The following CLIC5 variants were observed in gnomAD, a reference collection of about 807,000 sequenced individuals.
CLIC5 encodes CLIC family member 5, also known as chloride intracellular channel protein 5.
In CLIC5, 20 loss-of-function variants were observed where a neutral mutation model predicts 24.7. That is an observed-to-expected ratio of 0.81 (90% CI 0.57 to 1.18). CLIC5 has a LOEUF of 1.18. Ranked by LOEUF, CLIC5 falls within the 50% of genes most tolerant of loss-of-function variation. The pLI is 0.00. For missense variants in CLIC5, 341 were observed against 326.1 expected (o/e 1.05, Z -0.35); for synonymous variants, 159 against 135.6 (o/e 1.17, Z -1.20).
intron 1 of CLIC5, among the ~76,000 whole-genome samples, chr6:46,021,715 A>T (rs1482379566): frequency 6.6e-6 from 1 of 152,236 alleles, no homozygotes; most frequent in Non-Finnish European, 1.5e-5. Flanking sequence ...TTTCATTTAC[A>T]TGACATTCTG....
chr6:45,969,304 G>A (rs1765117193), intron 1 of CLIC5, among the ~76,000 whole-genome samples: 1 of 152,170 alleles, frequency 6.6e-6, no homozygotes, highest in South Asian at 2.1e-4. Flanking sequence ...AGAACCACCT[G>A]TGACCACCTT....
chr6:46,085,734 C>T, the CLIC5 span, among the ~76,000 whole-genome samples: 4,378 of 152,308 alleles, frequency 0.029, 366 homozygotes, highest in East Asian at 0.26. Flanking sequence ...GCAGTCTGCC[C>T]GTTCTCAGAT....
At chr6:46,000,390 T>A (rs572091400) in intron 1 of CLIC5, among the ~76,000 whole-genome samples, 1 of 152,234 alleles carries the variant, frequency 6.6e-6, no homozygotes, top group African/African-American at 2.4e-5. Flanking sequence ...GGAGTATCCA[T>A]CTGATTTGTG....
At chr6:45,942,594 G>A (rs1449401993) in intron 3 of CLIC5, among the ~76,000 whole-genome samples, 1 of 152,186 alleles carries the variant, frequency 6.6e-6, no homozygotes, top group African/African-American at 2.4e-5. Flanking sequence ...TGGGTGAATC[G>A]TTTTTGACTG....
At chr6:45,984,102 T>G (rs549167155) in intron 1 of CLIC5, among the ~76,000 whole-genome samples, 2 of 152,282 alleles carry the variant, frequency 1.3e-5, no homozygotes, top group African/African-American at 4.8e-5. Flanking sequence ...GGGAAAGCAC[T>G]TAGTGGAACA....
At chr6:46,096,122 C>A in the CLIC5 span, among the ~76,000 whole-genome samples, 5 of 152,210 alleles carry the variant, frequency 3.3e-5, no homozygotes, top group East Asian at 9.6e-4. Flanking sequence ...GGAACAAGAC[C>A]AAGAGAGAGT....
chr6:46,067,070 G>A (rs546824214), intron 1 of CLIC5, among the ~76,000 whole-genome samples: 34 of 152,266 alleles, frequency 2.2e-4, no homozygotes, highest in South Asian at 6.2e-4. Context: ...TGGCAATAGG[G>A]AAGGTTTACA....
chr6:46,085,816 C>G, the CLIC5 span, among the ~76,000 whole-genome samples: 21 of 152,236 alleles, frequency 1.4e-4, no homozygotes. Context: ...TTACTGCAGT[C>G]TTTTTGTTTG....
downstream of CLIC5, among the ~76,000 whole-genome samples, chr6:45,897,069 T>C (rs1440591533): frequency 6.6e-6 from 1 of 152,154 alleles, no homozygotes; most frequent in Non-Finnish European, 1.5e-5. Context: ...ATTTAGCAAC[T>C]CTGTGGTCAC....
intron 1 of CLIC5, among the ~76,000 whole-genome samples, chr6:46,067,171 G>T (rs1025673171): frequency 6.6e-6 from 1 of 152,074 alleles, no homozygotes. Flanking sequence ...GGGTCTCAGG[G>T]ATAACTGTTT....
At chr6:45,966,135 T>C (rs1765008357) in intron 1 of CLIC5, among the ~76,000 whole-genome samples, 1 of 152,214 alleles carries the variant, frequency 6.6e-6, no homozygotes, top group African/African-American at 2.4e-5. Flanking sequence ...TAATCACTCA[T>C]GAATCCCAAA....
chr6:46,087,146 C>T, the CLIC5 span, among the ~76,000 whole-genome samples: 1 of 152,172 alleles, frequency 6.6e-6, no homozygotes, highest in Non-Finnish European at 1.5e-5. Flanking sequence ...CTCATGATTA[C>T]ATTGGTTGGC....
intron 1 of CLIC5, among the ~76,000 whole-genome samples, chr6:45,998,760 G>C (rs371026789): frequency 2.0e-5 from 3 of 152,084 alleles, no homozygotes; most frequent in Admixed American, 1.3e-4. Flanking sequence ...TACAGCAAAG[G>C]CCAAGCCCAC....
Position 45,882,945 on chromosome 6 carries a change from A to G in CLIC5, c.624-1757T>C, listed in dbSNP as rs974993448. 2.6e-5 allele frequency among the ~76,000 whole-genome samples: 4 copies of G among 152,356 alleles called. No individual in the cohort carries two copies. The East Asian group carries it at 7.7e-4, about 29-fold the overall frequency. On this transcript the variant is annotated intron_variant, in intron 6 of 6. Transcript: ENST00000644324. ...TTTTAGAAAGTTATAATTTAGCTCT[A>G]GACATAAGTGCATACATGACCAACC...
At chr6:45,907,886 C>T (rs540070660) in intron 5 of CLIC5, among the ~76,000 whole-genome samples, 7 of 152,176 alleles carry the variant, frequency 4.6e-5, no homozygotes, top group Non-Finnish European at 1.0e-4. Flanking sequence ...TCTTTTCCTA[C>T]TTGTAGGCCT....
At chr6:46,006,193 G>A (rs1300729383) in intron 1 of CLIC5, among the ~76,000 whole-genome samples, 2 of 140,304 alleles carry the variant, frequency 1.4e-5, no homozygotes, top group Non-Finnish European at 3.0e-5. Context: ...CGCCCAGCCT[G>A]GAGTGCAATG....
intron 6 of CLIC5, among the ~76,000 whole-genome samples, chr6:45,885,487 T>A (rs961536372): frequency 3.9e-5 from 6 of 152,170 alleles, no homozygotes; most frequent in Non-Finnish European, 1.5e-5. Flanking sequence ...CAGAAGATCG[T>A]TATTAAAAAT....
intron 4 of CLIC5, among the ~76,000 whole-genome samples, chr6:45,919,656 C>T (rs1237211822): frequency 6.6e-6 from 1 of 152,168 alleles, no homozygotes; most frequent in Non-Finnish European, 1.5e-5. Flanking sequence ...GAGTCGAGGC[C>T]TCCAGGCAGG....
chr6:46,076,837 C>A (rs541668651), intron 1 of CLIC5, among the ~76,000 whole-genome samples: 2 of 152,298 alleles, frequency 1.3e-5, no homozygotes, highest in East Asian at 3.9e-4. Flanking sequence ...CACTACAATG[C>A]AAAGTGCCTG....
Sources: gnomAD v4.1 joint callset for allele counts (sites outside exome capture counted in the v4.1 genomes callset) on GRCh38, gnomAD v4.1.1 for gene constraint, MANE v1.5 for transcripts, NCBI Gene and HGNC (gene_info 2026-07-23, HGNC 2026-07-21) for gene names.